The following GRIN2A variants were observed in gnomAD, a reference collection of about 807,000 sequenced individuals.
GRIN2A encodes the protein glutamate ionotropic receptor NMDA type subunit 2A.
A neutral mutation model predicts 113.4 loss-of-function variants in GRIN2A; 22 were observed. The ratio of observed to expected loss-of-function variants is 0.19; its 90% CI spans 0.14 to 0.28. The LOEUF (loss-of-function observed/expected upper bound fraction) is 0.28. Ranked by LOEUF, GRIN2A falls within the 10% of genes least tolerant of loss-of-function variation. The probability of loss-of-function intolerance (pLI) is 1.00; values close to 1 mark genes in which losing one functional copy is unlikely to be tolerated. For missense variants in GRIN2A, 1,502 were observed against 1,887.0 expected, an observed-to-expected ratio of 0.80 and a Z score of 3.78; for synonymous variants, 827 against 738.4, an observed-to-expected ratio of 1.12 and a Z score of -1.94.
chr16:9,904,837 G>A (rs973166754), intron 3 of GRIN2A, among the ~76,000 whole-genome samples: 14 of 152,188 alleles, frequency 9.2e-5, no homozygotes, highest in South Asian at 2.1e-4. Context: ...GCACTGTTGC[G>A]AAGTTTCATG....
At chr16:9,953,222 C>G (rs1272598122) in intron 2 of GRIN2A, among the ~76,000 whole-genome samples, 4 of 152,140 alleles carry the variant, frequency 2.6e-5, no homozygotes, top group Non-Finnish European at 5.9e-5. Context: ...GTCTTGGCAA[C>G]TCATGGATCG....
intron 5 of GRIN2A, among the ~76,000 whole-genome samples, chr16:9,842,273 A>G (rs1220273616): frequency 1.3e-5 from 2 of 151,742 alleles, no homozygotes; most frequent in Admixed American, 1.3e-4. Context: ...GAAAAAAGAA[A>G]AGAAAGAAAG....
At chr16:10,166,414 A>G (rs1001193165) in intron 2 of GRIN2A, among the ~76,000 whole-genome samples, 6 of 152,200 alleles carry the variant, frequency 3.9e-5, no homozygotes, top group Non-Finnish European at 8.8e-5. Context: ...CTGCTCCTCC[A>G]TGAGCCAGCC....
intron 2 of GRIN2A, among the ~76,000 whole-genome samples, chr16:10,106,211 T>TG (rs906882858): frequency 2.3e-5 from 3 of 132,974 alleles, no homozygotes; most frequent in Non-Finnish European, 5.1e-5. Context: ...TTTGGGGAAG[T>TG]GTTTTTTTTT....
chr16:9,758,647 G>A lies in GRIN2A; in HGVS notation c.*4502C>T, dbSNP rs1596369659. The A allele has an allele frequency of 4.7e-6, 1 of 213,890 alleles. No homozygotes were observed. Among genetic ancestry groups the A allele is most frequent in the East Asian group, 7.0e-5 (1 of 14,338 alleles). The allele number at this position is 213,890 out of a possible 1,614,324, so 13.2% of individuals were successfully genotyped here. A position where few individuals can be genotyped will look rare whatever the true frequency, so the allele number is the denominator to read the frequency against. Reference sequence around the variant, plus strand: ...TATTATATACATGTGTACACAAGCAGTTGTATTCACAGGATAAGTGCATTT... The same window carrying A: ...TATTATATACATGTGTACACAAGCAATTGTATTCACAGGATAAGTGCATTT... On this transcript the variant is annotated 3_prime_UTR_variant, in exon 13 of 13. Coordinates refer to ENST00000330684, the MANE Select transcript of GRIN2A (RefSeq NM_001134407.3).
chr16:10,034,334 G>A (rs899750358), intron 2 of GRIN2A, among the ~76,000 whole-genome samples: 11 of 151,900 alleles, frequency 7.2e-5, no homozygotes, highest in Admixed American at 5.2e-4. Flanking sequence ...AGACCATCTT[G>A]GCCAATATGG....
At chr16:9,877,317 A>G (rs1275141981) in intron 4 of GRIN2A, among the ~76,000 whole-genome samples, 1 of 152,172 alleles carries the variant, frequency 6.6e-6, no homozygotes, top group East Asian at 1.9e-4. Context: ...GACAACTACT[A>G]CAGTCAATCT....
At chr16:9,976,391 A>T (rs1165546425) in intron 2 of GRIN2A, among the ~76,000 whole-genome samples, 1 of 152,216 alleles carries the variant, frequency 6.6e-6, no homozygotes, top group Non-Finnish European at 1.5e-5. Context: ...AGGACAGGAC[A>T]CTAACTGGTC....
intron 5 of GRIN2A, among the ~76,000 whole-genome samples, chr16:9,846,527 G>A (rs150310871): frequency 8.5e-5 from 13 of 152,286 alleles, no homozygotes; most frequent in African/African-American, 2.6e-4. Flanking sequence ...AGTTTGAAAC[G>A]AGGAAGTAAA....
intron 2 of GRIN2A, among the ~76,000 whole-genome samples, chr16:10,039,500 T>C (rs1027020707): frequency 2.6e-5 from 4 of 152,100 alleles, no homozygotes; most frequent in Admixed American, 6.5e-5. Flanking sequence ...TCTAAGTCTT[T>C]TGCTGAAGCT....
intron 2 of GRIN2A, among the ~76,000 whole-genome samples, chr16:10,154,067 A>T (rs1481313812): frequency 6.6e-6 from 1 of 152,168 alleles, no homozygotes; most frequent in Non-Finnish European, 1.5e-5. Context: ...CGTTCCAGGC[A>T]CATGGCAGGA....
At chr16:10,039,808 GGAGAA>G (rs1271341174) in intron 2 of GRIN2A, among the ~76,000 whole-genome samples, 91 of 63,744 alleles carry the variant, frequency 1.4e-3, no homozygotes, top group South Asian at 4.3e-3. Flanking sequence ...GGGAGGGGGG[GGAGAA>G]AGAGAGAGAG....
intron 4 of GRIN2A, among the ~76,000 whole-genome samples, chr16:9,855,510 C>A (rs2042951987): frequency 6.6e-6 from 1 of 152,178 alleles, no homozygotes; most frequent in Non-Finnish European, 1.5e-5. Flanking sequence ...TTTGACCTCA[C>A]TGATTGGGTG....
chr16:10,180,564 C>G lies in GRIN2A; in HGVS notation c.-18-135G>C, dbSNP rs1338148432. ...GGATAGGCTGCTGGGATCACGGACT[C>G]CATTCCGAGTCCCCGACGCCATCCA... On this transcript the variant is annotated intron_variant, in intron 1 of 12. Transcript: ENST00000330684. The surrounding 1 kb of genome is among the most constrained non-coding windows in gnomAD (Gnocchi z 7.0). The G allele has an allele frequency of 1.2e-5, 18 of 1,467,370 alleles. No homozygotes were observed. Among genetic ancestry groups the G allele is most frequent in the Non-Finnish European group, 1.4e-5 (16 of 1,108,306 alleles). The allele number at this position is 1,467,370 out of a possible 1,614,324, so 90.9% of individuals were successfully genotyped here.
At chr16:10,111,747 C>A in intron 2 of GRIN2A, 3 of 1,516,658 alleles carry the variant, frequency 2.0e-6, no homozygotes, top group African/African-American at 1.4e-5. Flanking sequence ...TGGTGCTGAG[C>A]CCCTCACACA....
At chr16:9,867,985 T>C (rs913279269) in intron 4 of GRIN2A, among the ~76,000 whole-genome samples, 3 of 152,094 alleles carry the variant, frequency 2.0e-5, no homozygotes, top group African/African-American at 7.2e-5. Flanking sequence ...CCGTAAAAAA[T>C]AGTTTCTCTC....
intron 4 of GRIN2A, among the ~76,000 whole-genome samples, chr16:9,851,039 T>C (rs1317120749): frequency 6.6e-6 from 1 of 152,152 alleles, no homozygotes; most frequent in Admixed American, 6.5e-5. Flanking sequence ...AATCCAGGCT[T>C]GTCTGTGTTG....
At chr16:10,078,865 A>T (rs1052431201) in intron 2 of GRIN2A, among the ~76,000 whole-genome samples, 2 of 152,112 alleles carry the variant, frequency 1.3e-5, no homozygotes, top group Admixed American at 1.3e-4. Flanking sequence ...TGACTGGCTG[A>T]CTGACTGCCT....
At position 9,890,624 on chromosome 16, in the gene GRIN2A, A is replaced by G. The variant is rs2043674499; in HGVS notation, c.1122+362T>C. On this transcript the variant is annotated intron_variant, in intron 4 of 12. Transcript: ENST00000330684. ...TCGTTCATATGGCAATGACTATGGTACACAATTAGGAAGTTTAGGCAAACT... is the reference window on the plus strand; with the variant it reads ...TCGTTCATATGGCAATGACTATGGTGCACAATTAGGAAGTTTAGGCAAACT... Among the ~76,000 whole-genome samples, 4 of 152,356 alleles carry G rather than the reference A, an allele frequency of 2.6e-5. No homozygotes were observed. In the South Asian group the frequency reaches 8.3e-4, roughly 32 times the overall value.
Sources: gnomAD v4.1 joint callset for allele counts (sites outside exome capture counted in the v4.1 genomes callset) on GRCh38, gnomAD v4.1.1 for gene constraint, Gnocchi (gnomAD v3.1) non-coding constraint, MANE v1.5 for transcripts, NCBI Gene and HGNC (gene_info 2026-07-23, HGNC 2026-07-21) for gene names.